CHM: variants seen among roughly 807,000 people sequenced by gnomAD.
CHM encodes the protein CHM Rab escort protein.
Under a neutral mutation model 49.0 loss-of-function variants are expected in CHM, and 10 were observed. That is an observed-to-expected ratio of 0.20 (90% CI 0.13 to 0.35). CHM has a LOEUF of 0.35. CHM is among the 10% of genes least tolerant of loss of function. CHM has a pLI of 1.00. For missense variants in CHM, 455 were observed against 478.4 expected, an observed-to-expected ratio of 0.95 and a Z score of 0.46; for synonymous variants, 184 against 167.5, an observed-to-expected ratio of 1.10 and a Z score of -0.76.
At chrX:85,959,319 T>C (rs1165260314) in intron 5 of CHM, among the ~76,000 whole-genome samples, 1 of 111,649 alleles carries the variant, frequency 9.0e-6, no homozygotes, top group East Asian at 2.8e-4. Context: ...CCTCAGACCC[T>C]GCTAATAATT....
At chrX:85,867,320 C>T (rs1923763371) in intron 14 of CHM, among the ~76,000 whole-genome samples, 1 of 111,636 alleles carries the variant, frequency 9.0e-6, no homozygotes, top group Admixed American at 9.5e-5. Context: ...TGCCTTGCTT[C>T]CCCTTTGCCT....
intron 8 of CHM, among the ~76,000 whole-genome samples, chrX:85,923,876 G>C (rs1222670758): frequency 9.0e-6 from 1 of 110,677 alleles, no homozygotes; most frequent in Non-Finnish European, 1.9e-5. Flanking sequence ...TGAAAGGGTG[G>C]AAGAACATTC....
At chrX:85,963,600 C>G (rs753630616) in intron 5 of CHM, 65 bp downstream of exon 5, 5 of 986,022 alleles carry the variant, frequency 5.1e-6, no homozygotes, top group Non-Finnish European at 7.1e-6. Flanking sequence ...CAGAGAATTA[C>G]AAAAACTGGG....
chrX:85,992,530 G>C (rs1049581510), intron 2 of CHM, among the ~76,000 whole-genome samples: 1 of 111,054 alleles, frequency 9.0e-6, no homozygotes, highest in Non-Finnish European at 1.9e-5. Flanking sequence ...GAATAGGCTA[G>C]AAAATATACT....
chrX:86,040,044 G>A (rs1159604658), intron 1 of CHM, among the ~76,000 whole-genome samples: 3 of 112,005 alleles, frequency 2.7e-5, no homozygotes, highest in South Asian at 3.7e-4. Context: ...GCTCGGGAAC[G>A]ATGAGTGTGG....
At chrX:85,866,037 A>G (rs1923666829) in intron 14 of CHM, among the ~76,000 whole-genome samples, 1 of 112,848 alleles carries the variant, frequency 8.9e-6, no homozygotes, top group Non-Finnish European at 1.9e-5. Flanking sequence ...GGGAGAAAAG[A>G]AAAAACCATT....
chrX:85,957,173 G>A (rs926556634), intron 7 of CHM, among the ~76,000 whole-genome samples: 3 of 111,922 alleles, frequency 2.7e-5, no homozygotes, highest in Non-Finnish European at 5.6e-5. Flanking sequence ...ACTTCTCATT[G>A]TAACTTTATA....
chrX:85,980,549 G>C (rs766820030), intron 3 of CHM, among the ~76,000 whole-genome samples: 268 of 111,848 alleles, frequency 2.4e-3, no homozygotes, highest in African/African-American at 8.4e-3. Flanking sequence ...TCAATGCAAT[G>C]GTGCTTGGCA....
At chrX:85,911,039 T>C (rs1357776938) in intron 9 of CHM, among the ~76,000 whole-genome samples, 4 of 86,584 alleles carry the variant, frequency 4.6e-5, no homozygotes, top group African/African-American at 1.3e-4. Flanking sequence ...TGATATGTTA[T>C]TAATACCAAG....
At position 85,863,034 on chromosome X, in the gene CHM, T is replaced by C. The variant is rs767195129; in HGVS notation, c.*1596A>G. ...AGTAGACCATCAGAGCTTGGCCATT[T>C]GAGAAAATTTAAATATAGGCAACAT... On this transcript the variant is annotated 3_prime_UTR_variant, in exon 15 of 15. Transcript: ENST00000357749. The C allele has an allele frequency of 2.7e-5, 3 of 111,532 alleles. No individual in the cohort carries two copies. Among genetic ancestry groups the C allele is most frequent in the Admixed American group, 9.6e-5 (1 of 10,451 alleles). The allele number at this position is 111,532 out of a possible 1,213,427, so 9.2% of individuals were successfully genotyped here. A position where few individuals can be genotyped will look rare whatever the true frequency, so the allele number is the denominator to read the frequency against.
intron 11 of CHM, among the ~76,000 whole-genome samples, chrX:85,894,641 C>A (rs1282470244): frequency 9.0e-6 from 1 of 111,328 alleles, no homozygotes; most frequent in African/African-American, 3.3e-5. Flanking sequence ...CTCATTGGAG[C>A]ATGTTAGATT....
intron 2 of CHM, among the ~76,000 whole-genome samples, chrX:85,986,620 T>C (rs1032284758): frequency 1.8e-5 from 2 of 112,054 alleles, no homozygotes; most frequent in African/African-American, 3.3e-5. Flanking sequence ...ATAAAGACCC[T>C]GTACGAAGCC....
intron 5 of CHM, among the ~76,000 whole-genome samples, chrX:85,959,430 A>G (rs923681284): frequency 9.0e-6 from 1 of 111,024 alleles, no homozygotes; most frequent in African/African-American, 3.3e-5. Context: ...AGGGTTTTGG[A>G]TAAGAATCTA....
rs1475295178 is a variant in CHM at position 85,981,228 on chromosome X, ATAT to A, written c.189+506_189+508del. Among the ~76,000 whole-genome samples, 148 of 54,283 alleles carry A rather than the reference ATAT, an allele frequency of 2.7e-3. 4 individuals are homozygous for A. The highest frequency in any genetic ancestry group is 7.2e-3 in the African/African-American group (86 of 11,944). The allele number at this position is 54,283 out of a possible 115,157, so 47.1% of individuals were successfully genotyped here. A position where few individuals can be genotyped will look rare whatever the true frequency, so the allele number is the denominator to read the frequency against. On this transcript the variant is annotated intron_variant, in intron 3 of 14. Coordinates refer to ENST00000357749, the MANE Select transcript of CHM (RefSeq NM_000390.4). ...TTTCTATATATATATATAGACACAC[ATAT>A]TTTTTTTTTTTTTTTTTTTTGAGAC...
At position 85,978,819 on chromosome X, in the gene CHM, G is replaced by C; in HGVS notation, c.262C>G (p.Leu88Val). 1 of 1,205,729 alleles carries C rather than the reference G, an allele frequency of 8.3e-7. No homozygotes were observed. Among genetic ancestry groups the C allele is most frequent in the Non-Finnish European group, 1.1e-6 (1 of 890,636 alleles). ...TGAATAGTTTTGTCCTTCCTGCTAA[G>C]AGCAATGGCTTCTTCATTTTCAAGG... ...QILENEEAIA[L>V]SRKDKTIQHV... Residue 88 changes from leucine (L) to valine (V), a missense_variant, in exon 4 of 15, where the codon CTT becomes GTT. Transcript: ENST00000357749.
intron 13 of CHM, among the ~76,000 whole-genome samples, chrX:85,874,387 G>A (rs1924295499): frequency 1.8e-5 from 2 of 111,249 alleles, no homozygotes; most frequent in African/African-American, 6.5e-5. Flanking sequence ...TATGAAGATT[G>A]CCCAAGACCA....
intron 4 of CHM, among the ~76,000 whole-genome samples, chrX:85,975,968 T>C (rs944764909): frequency 8.9e-6 from 1 of 112,371 alleles, no homozygotes; most frequent in South Asian, 3.7e-4. Flanking sequence ...AGATCTACTA[T>C]ATAGTGATAC....
chrX:85,987,671 G>A (rs1264880057), intron 2 of CHM, among the ~76,000 whole-genome samples: 3 of 111,466 alleles, frequency 2.7e-5, no homozygotes, highest in East Asian at 5.6e-4. Flanking sequence ...TACAAATGAC[G>A]AAGGGAATGT....
rs760324593 is a variant in CHM, at chrX:85,864,752, T to C, written c.1840A>G (p.Ile614Val). 14 of 1,206,815 alleles carry C rather than the reference T, an allele frequency of 1.2e-5. No individual in the cohort carries two copies. Among genetic ancestry groups the C allele is most frequent in the Non-Finnish European group, 1.2e-5 (11 of 893,287 alleles). ...TGTAAACTGTCTCCATCAAGGATAA[T>C]GTCTTCAGGATTTGGTGGAGGGGGA... ...FCPPPPNPED[I>V]ILDGDSLQPE... The change falls in exon 15 of 15, where the codon ATT becomes GTT. Residue 614 changes from isoleucine (I) to valine (V), a missense_variant. Ile to Val is a conservative substitution (Grantham distance 29, BLOSUM62 3). Coordinates refer to ENST00000357749, the MANE Select transcript of CHM (RefSeq NM_000390.4).
Sources: gnomAD v4.1 joint callset for allele counts (sites outside exome capture counted in the v4.1 genomes callset) on GRCh38, gnomAD v4.1.1 for gene constraint, MANE v1.5 for transcripts, NCBI Gene and HGNC (gene_info 2026-07-23, HGNC 2026-07-21) for gene names.